The following NCALD variants were observed in gnomAD, a reference collection of about 807,000 sequenced individuals.
The protein encoded by NCALD is neurocalcin delta.
In NCALD, 10 loss-of-function variants were observed where a neutral mutation model predicts 18.6. That is an observed-to-expected ratio of 0.54 (90% confidence interval 0.33 to 0.91). The LOEUF is 0.91. Among genes scored for constraint, NCALD ranks in the 40% least tolerant of loss-of-function variants. The probability of loss-of-function intolerance (pLI) is 0.03; values close to 1 mark genes in which losing one functional copy is unlikely to be tolerated. For synonymous variants in NCALD, 88 were observed against 87.4 expected, an observed-to-expected ratio of 1.01 and a Z score of -0.04; for missense variants, 184 against 247.6, an observed-to-expected ratio of 0.74 and a Z score of 1.72.
At chr8:102,058,934 G>A (rs1420700080) in intron 1 of NCALD, among the ~76,000 whole-genome samples, 1 of 152,072 alleles carries the variant, frequency 6.6e-6, no homozygotes, top group Non-Finnish European at 1.5e-5. Context: ...TGGAGGAGGG[G>A]GCTACAAGGA....
chr8:101,870,142 T>A (rs1815942286), intron 4 of NCALD, among the ~76,000 whole-genome samples: 1 of 152,220 alleles, frequency 6.6e-6, no homozygotes, highest in Admixed American at 6.5e-5. Flanking sequence ...AGGTGTTGTG[T>A]TCTTTCCAAC....
intron 2 of NCALD, among the ~76,000 whole-genome samples, chr8:101,941,056 T>C (rs1327684671): frequency 6.6e-6 from 1 of 152,194 alleles, no homozygotes; most frequent in Non-Finnish European, 1.5e-5. Flanking sequence ...TAATAACAAA[T>C]GTAATGGAGA....
At chr8:101,729,739 G>A (rs558400658) in intron 1 of NCALD, among the ~76,000 whole-genome samples, 1 of 152,304 alleles carries the variant, frequency 6.6e-6, no homozygotes, top group Admixed American at 6.5e-5. Flanking sequence ...GGTGAGCAGA[G>A]GTTATAGTCT....
At chr8:101,691,223 C>T (rs7826700) in intron 3 of NCALD, 613,424 of 985,092 alleles carry the variant, frequency 0.62, 196,282 homozygotes, top group Non-Finnish European at 0.66. Flanking sequence ...CTTACAGCCC[C>T]TCTTCCTCCT....
intron 2 of NCALD, among the ~76,000 whole-genome samples, chr8:101,931,619 T>C (rs1818576049): frequency 6.6e-6 from 1 of 151,942 alleles, no homozygotes; most frequent in Non-Finnish European, 1.5e-5. Flanking sequence ...CCTTCCTTTT[T>C]TTTTTCCTGT....
chr8:101,950,975 C>A (rs907615442), intron 2 of NCALD, among the ~76,000 whole-genome samples: 1 of 152,168 alleles, frequency 6.6e-6, no homozygotes, highest in East Asian at 1.9e-4. Context: ...ATTATAGCAG[C>A]ATTCCACTTC....
chr8:101,988,650 T>C (rs1459658324), intron 2 of NCALD, among the ~76,000 whole-genome samples: 3 of 152,118 alleles, frequency 2.0e-5, no homozygotes, highest in African/African-American at 7.2e-5. Context: ...GGGACAAAAT[T>C]ATTAATATGT....
chr8:101,810,541 G>A (rs967773978), intron 4 of NCALD, among the ~76,000 whole-genome samples: 1 of 152,056 alleles, frequency 6.6e-6, no homozygotes, highest in African/African-American at 2.4e-5. Context: ...AACATCAGGA[G>A]AATTATGAAT....
At chr8:101,797,233 T>C (rs1401327275) in intron 4 of NCALD, among the ~76,000 whole-genome samples, 1 of 151,902 alleles carries the variant, frequency 6.6e-6, no homozygotes, top group African/African-American at 2.4e-5. Flanking sequence ...ATGTTTGGGG[T>C]TTGCAACGCA....
intron 1 of NCALD, among the ~76,000 whole-genome samples, chr8:102,040,457 G>C (rs1267124363): frequency 7.0e-6 from 1 of 142,670 alleles, no homozygotes; most frequent in Non-Finnish European, 1.5e-5. Context: ...CTGGGTGATA[G>C]AGTGAGAATC....
chr8:101,801,311 G>A (rs1812841442), intron 4 of NCALD, among the ~76,000 whole-genome samples: 1 of 152,156 alleles, frequency 6.6e-6, no homozygotes, highest in Admixed American at 6.5e-5. Flanking sequence ...GCAGAAAAAA[G>A]TAGAAATATA....
chr8:101,695,758 C>A (rs958484899), intron 2 of NCALD, among the ~76,000 whole-genome samples: 3 of 152,126 alleles, frequency 2.0e-5, no homozygotes, highest in African/African-American at 7.2e-5. Context: ...GAATGTTCTC[C>A]TTTTAGATGT....
intron 1 of NCALD, among the ~76,000 whole-genome samples, chr8:102,035,340 A>G (rs1314333625): frequency 6.6e-6 from 1 of 152,174 alleles, no homozygotes; most frequent in African/African-American, 2.4e-5. Flanking sequence ...ATTTTCCAGA[A>G]CAGAACACAT....
intron 1 of NCALD, among the ~76,000 whole-genome samples, chr8:102,089,379 G>A (rs1824849358): frequency 6.7e-6 from 1 of 148,928 alleles, no homozygotes; most frequent in African/African-American, 2.5e-5. Context: ...GGGCAACAGA[G>A]CAAGACTTAG....
chr8:101,790,107 C>T (rs1251281273), intron 1 of NCALD, among the ~76,000 whole-genome samples: 1 of 152,056 alleles, frequency 6.6e-6, no homozygotes, highest in East Asian at 1.9e-4. Context: ...TTAAAAATAA[C>T]AACAGCTTAC....
intron 2 of NCALD, among the ~76,000 whole-genome samples, chr8:101,925,657 G>A (rs570852115): frequency 6.6e-6 from 1 of 152,244 alleles, no homozygotes; most frequent in South Asian, 2.1e-4. Flanking sequence ...ATGTCCTTGA[G>A]GGCATGGGAT....
At chr8:102,116,974 C>T (rs1484367102) in intron 1 of NCALD, among the ~76,000 whole-genome samples, 1 of 152,164 alleles carries the variant, frequency 6.6e-6, no homozygotes, top group Non-Finnish European at 1.5e-5. Flanking sequence ...GAGAGACACA[C>T]AGAGAAGAGC....
At chr8:101,953,112 A>C (rs1819495081) in intron 2 of NCALD, among the ~76,000 whole-genome samples, 1 of 152,064 alleles carries the variant, frequency 6.6e-6, no homozygotes, top group Non-Finnish European at 1.5e-5. Flanking sequence ...AGAGTGGAGT[A>C]GCTGTCAGGA....
chr8:102,064,862 T>C (rs542831609), intron 1 of NCALD, among the ~76,000 whole-genome samples: 1 of 152,244 alleles, frequency 6.6e-6, no homozygotes, highest in South Asian at 2.1e-4. Context: ...TTTGGCACTT[T>C]GCTCTTCCCT....
Sources: gnomAD v4.1 joint callset for allele counts (sites outside exome capture counted in the v4.1 genomes callset) on GRCh38, gnomAD v4.1.1 for gene constraint, MANE v1.5 for transcripts, NCBI Gene and HGNC (gene_info 2026-07-23, HGNC 2026-07-21) for gene names.